The following BTG4 variants were observed in gnomAD, a reference collection of about 807,000 sequenced individuals.
BTG4 encodes BTG anti-proliferation factor 4.
In BTG4, 10 loss-of-function variants were observed where a neutral mutation model predicts 19.3. That is an observed-to-expected ratio of 0.52 (90% CI 0.32 to 0.88). The LOEUF is 0.88. Ranked by LOEUF, BTG4 falls within the 40% of genes least tolerant of loss-of-function variation. The probability of loss-of-function intolerance (pLI) is 0.04; values close to 1 mark genes in which losing one functional copy is unlikely to be tolerated. For synonymous variants in BTG4, 91 were observed against 95.7 expected (o/e 0.95, Z 0.29); for missense variants, 238 against 281.9 (o/e 0.84, Z 1.11).
chr11:111,490,308 A>G (rs1187851787), downstream of BTG4, among the ~76,000 whole-genome samples: 1 of 151,604 alleles, frequency 6.6e-6, no homozygotes, highest in African/African-American at 2.4e-5. Context: ...ACTGAAAGTG[A>G]AATTGAGATG....
chr11:111,482,111 C>A (rs888337028), intron 5 of BTG4, among the ~76,000 whole-genome samples: 2 of 151,920 alleles, frequency 1.3e-5, no homozygotes, highest in Admixed American at 6.6e-5. Flanking sequence ...CCTGGAATAA[C>A]TAAGTTCAGC....
At chr11:111,454,952 C>T in the BTG4 span, 6 of 456,046 alleles carry the variant, frequency 1.3e-5, no homozygotes, top group Non-Finnish European at 2.6e-5. Flanking sequence ...TCAATCCACC[C>T]TCTCTCACAG....
At chr11:111,481,874 T>C (rs997548684) in intron 5 of BTG4, among the ~76,000 whole-genome samples, 8 of 151,922 alleles carry the variant, frequency 5.3e-5, no homozygotes, top group Non-Finnish European at 8.8e-5. Context: ...GAGTATCTAC[T>C]TAATGGTGAA....
downstream of BTG4, among the ~76,000 whole-genome samples, chr11:111,491,892 C>G (rs1304193054): frequency 3.9e-5 from 6 of 152,018 alleles, no homozygotes; most frequent in East Asian, 1.2e-3. Context: ...AGGGGCTTTT[C>G]AAGTATATTG....
chr11:111,467,593 C>T (rs1350825330), exon 6 of BTG4: 4 of 712,552 alleles, frequency 5.6e-6, no homozygotes, highest in Admixed American at 2.4e-5. Flanking sequence ...TTCTCATCTT[C>T]CTGCCATGGA....
At position 111,498,015 on chromosome 11, in the gene BTG4, G is replaced by T. The variant is rs772816888; in HGVS notation, c.294C>A (p.Pro98=). 2.5e-6 allele frequency: 4 copies of T among 1,613,932 alleles called. No individual in the cohort carries two copies. Among genetic ancestry groups the T allele is most frequent in the South Asian group, 2.2e-5 (2 of 91,040 alleles). Residue 98 remains proline, a synonymous_variant, in exon 3 of 5, where the codon CCC becomes CCA. Transcript: ENST00000692032. ...TTACTCACCTACAGCATACTTCAAAGGGATCTACCCATATGGTCATCTCCT... is the reference window on the plus strand; with the variant it reads ...TTACTCACCTACAGCATACTTCAAATGGATCTACCCATATGGTCATCTCCT... ...LPKEMTIWVD[P]FEVCCRYGEK...
chr11:111,402,496 G>C, the BTG4 span, among the ~76,000 whole-genome samples: 1 of 152,192 alleles, frequency 6.6e-6, no homozygotes, highest in African/African-American at 2.4e-5. Flanking sequence ...GAGGAAAAGT[G>C]AATTCTATGT....
chr11:111,492,673 A>G (rs1018416093), downstream of BTG4, among the ~76,000 whole-genome samples: 29 of 152,354 alleles, frequency 1.9e-4, no homozygotes, highest in African/African-American at 7.0e-4. Context: ...ACTGATAACT[A>G]TGAAACAATT....
the BTG4 span, among the ~76,000 whole-genome samples, chr11:111,402,288 A>G: frequency 6.6e-6 from 1 of 152,174 alleles, no homozygotes; most frequent in Non-Finnish European, 1.5e-5. Flanking sequence ...TCAATTAAAC[A>G]TCTTTCCTTT....
At chr11:111,425,054 T>C in the BTG4 span, among the ~76,000 whole-genome samples, 45,889 of 152,014 alleles carry the variant, frequency 0.3, 7,017 homozygotes, top group Admixed American at 0.34. Context: ...AGCAGGTCCT[T>C]CTGTACAATC....
chr11:111,414,018 G>A, the BTG4 span, among the ~76,000 whole-genome samples: 2 of 152,124 alleles, frequency 1.3e-5, no homozygotes, highest in South Asian at 2.1e-4. Flanking sequence ...TGACTGTTCC[G>A]TTCATTCAGC....
At chr11:111,514,285 C>G (rs1867136430), upstream of BTG4, 1 of 171,002 alleles carries the variant, frequency 5.8e-6, no homozygotes, top group South Asian at 1.4e-4. Flanking sequence ...AAACTGTACA[C>G]ATGGGCACGT....
the BTG4 span, among the ~76,000 whole-genome samples, chr11:111,407,129 ATAT>A: frequency 6.7e-6 from 1 of 149,224 alleles, no homozygotes; most frequent in East Asian, 1.9e-4. Flanking sequence ...CATATACTAT[ATAT>A]TATTATATAC....
the BTG4 span, among the ~76,000 whole-genome samples, chr11:111,395,286 A>T: frequency 6.6e-6 from 1 of 152,196 alleles, no homozygotes; most frequent in Admixed American, 6.5e-5. Flanking sequence ...ACGCCTCCAC[A>T]GCCCCGGTGG....
chr11:111,486,265 C>A (rs1165572414), intron 5 of BTG4, among the ~76,000 whole-genome samples: 1 of 152,064 alleles, frequency 6.6e-6, no homozygotes, highest in Non-Finnish European at 1.5e-5. Flanking sequence ...GGTGAAACCC[C>A]ATCTCTACAA....
the BTG4 span, among the ~76,000 whole-genome samples, chr11:111,430,858 C>A: frequency 6.6e-6 from 1 of 152,328 alleles, no homozygotes; most frequent in South Asian, 2.1e-4. Flanking sequence ...GATTAAAGTG[C>A]CTCTCAATTG....
At chr11:111,465,387 T>G (rs772366952), downstream of BTG4, among the ~76,000 whole-genome samples, 5 of 152,196 alleles carry the variant, frequency 3.3e-5, no homozygotes, top group Non-Finnish European at 5.9e-5. Context: ...CATTTTAAAA[T>G]GATTAGAGAA....
chr11:111,451,480 T>A, the BTG4 span: 1 of 430,096 alleles, frequency 2.3e-6, no homozygotes, highest in African/African-American at 2.0e-5. Flanking sequence ...AAAATACTGC[T>A]GCAGGCCAGG....
intron 5 of BTG4, among the ~76,000 whole-genome samples, chr11:111,471,182 T>C (rs1864041134): frequency 6.6e-6 from 1 of 152,194 alleles, no homozygotes. Context: ...TTTAGCCACA[T>C]TATTGAAAAA....
Sources: gnomAD v4.1 joint callset for allele counts (sites outside exome capture counted in the v4.1 genomes callset) on GRCh38, gnomAD v4.1.1 for gene constraint, MANE v1.5 for transcripts, NCBI Gene and HGNC (gene_info 2026-07-23, HGNC 2026-07-21) for gene names.